Variants in KRT84 observed in about 807,000 individuals in gnomAD.
KRT84 encodes the protein keratin, type II cuticular Hb4.
In KRT84, 38 loss-of-function variants were observed where a neutral mutation model predicts 49.0. The ratio of observed to expected loss-of-function variants is 0.78; its 90% CI spans 0.60 to 1.02. The LOEUF is 1.02. Among genes scored for constraint, KRT84 ranks in the 50% least tolerant of loss-of-function variants. KRT84 has a pLI of 0.00. For missense variants in KRT84, 860 were observed against 788.6 expected (o/e 1.09, Z -1.08); for synonymous variants, 334 against 312.8 (o/e 1.07, Z -0.72).
intron 3 of KRT84, 101 bp downstream of exon 3, chr12:52,382,904 G>A: frequency 1.1e-6 from 1 of 938,342 alleles, no homozygotes; most frequent in Non-Finnish European, 1.8e-6. Flanking sequence ...GATGTGAGTA[G>A]TCCCAGACTC....
chr12:52,378,120 G>T lies in KRT84; in HGVS notation c.1717C>A (p.Gln573Lys). Residue 573 changes from glutamine to lysine, a missense_variant, in exon 9 of 9, where the codon CAG (glutamine) becomes AAG (lysine). Gln to Lys is a moderately conservative substitution (Grantham distance 53). Transcript: ENST00000257951. ...CCGCTGCAGCTGCTGAAGCCCCCCT[G>T]GGTGGGCAGGGGGCAGGGGACGCTG... ...VPSVPCPLPT[Q>K]GGFSSCSGGR... The T allele has an allele frequency of 6.5e-7, 1 of 1,540,470 alleles. No individual in the cohort carries two copies. The highest frequency in any genetic ancestry group is 8.7e-7 in the Non-Finnish European group (1 of 1,148,112).
At chr12:52,382,306 A>C (rs1176335947) in intron 4 of KRT84, 131 bp downstream of exon 4, 2 of 653,716 alleles carry the variant, frequency 3.1e-6, no homozygotes, top group Non-Finnish European at 5.5e-6. Context: ...CATATATAGC[A>C]TACAGATTTG....
At chr12:52,381,044 C>T (rs1939472793) in intron 6 of KRT84, 36 bp downstream of exon 6, 1 of 1,608,234 alleles carries the variant, frequency 6.2e-7, no homozygotes, top group Non-Finnish European at 8.5e-7. Flanking sequence ...CCTGGTTCTC[C>T]CTCATCTGAG....
At chr12:52,378,485 A>G (rs988697951) in intron 8 of KRT84, 105 bp from the exon 9 acceptor site, 38 of 860,064 alleles carry the variant, frequency 4.4e-5, no homozygotes, top group Non-Finnish European at 6.4e-5. Flanking sequence ...GAGTGGGGTC[A>G]GGGTTGTGGC....
At position 52,381,198 on chromosome 12, in the gene KRT84, T is replaced by A. The variant is rs763224561; in HGVS notation, c.1085A>T (p.Glu362Val). The change falls in exon 6 of 9, where the codon GAG (glutamate) becomes GTG (valine). Residue 362 changes from glutamate to valine, a missense_variant. Glu to Val is a moderately radical substitution (Grantham distance 121). Coordinates refer to ENST00000257951, the MANE Select transcript of KRT84 (RefSeq NM_033045.4). ...AEAWYQTKYEEMQVTAGQHCD... is the reference protein window; with the variant it reads ...AEAWYQTKYEVMQVTAGQHCD... ...GTGTTGGCCAGCTGTCACCTGCATC[T>A]CTTCATACTGCGGAGAGAGGAGGGT... is the stretch of plus-strand genomic sequence containing the variant. The A allele has an allele frequency of 1.2e-6, 2 of 1,614,062 alleles. No homozygotes were observed. The highest frequency in any genetic ancestry group is 2.7e-5 in the African/African-American group (2 of 74,916).
In KRT84 at chr12:52,378,123, T is replaced by G. The variant is rs1366254857; in HGVS notation, c.1714A>C (p.Thr572Pro). ...CVPSVPCPLPTQGGFSSCSGG... is the reference protein window; with the variant it reads ...CVPSVPCPLPPQGGFSSCSGG... ...CTGCAGCTGCTGAAGCCCCCCTGGGTGGGCAGGGGGCAGGGGACGCTGGGG... is the reference window on the plus strand; with the variant it reads ...CTGCAGCTGCTGAAGCCCCCCTGGGGGGGCAGGGGGCAGGGGACGCTGGGG... The change falls in exon 9 of 9, where the codon ACC (threonine) becomes CCC (proline). Residue 572 changes from threonine to proline, a missense_variant. Coordinates refer to ENST00000257951, the MANE Select transcript of KRT84 (RefSeq NM_033045.4). The G allele has an allele frequency of 1.3e-5, 20 of 1,540,548 alleles. 1 individual carries two copies. The highest frequency in any genetic ancestry group is 1.6e-5 in the Non-Finnish European group (18 of 1,147,998).
intron 8 of KRT84, 98 bp from the exon 9 acceptor site, chr12:52,378,478 T>A: frequency 1.0e-6 from 1 of 954,404 alleles, no homozygotes; most frequent in East Asian, 3.0e-5. Context: ...GGGGAGGGAG[T>A]GGGGTCAGGG....
rs777882886 is a variant in KRT84 at position 52,378,078 on chromosome 12, C to T, written c.1759G>A (p.Val587Ile). 12 of 1,499,076 alleles carry T rather than the reference C, an allele frequency of 8.0e-6. No homozygotes were observed. The highest frequency in any genetic ancestry group is 2.4e-5 in the Admixed American group (1 of 42,412). 92.9% of individuals were successfully genotyped at this position (1,499,076 alleles called of 1,614,324 possible). A position where few individuals can be genotyped will look rare whatever the true frequency, so the allele number is the denominator to read the frequency against. Residue 587 changes from valine (V) to isoleucine (I), a missense_variant, in exon 9 of 9, where the codon GTC (valine) becomes ATC (isoleucine). By Grantham distance (29) the Val-to-Ile change is conservative. Transcript: ENST00000257951. ...SSCSGGRSSSVRFVSTTTSCR... is the reference protein window; with the variant it reads ...SSCSGGRSSSIRFVSTTTSCR... ...GAGGTGGTGGTGGACACAAAGCGGA[C>T]GCTGGAGCTGCGGCCGCCGCTGCAG...
intron 5 of KRT84, 36 bp from the exon 6 acceptor site, chr12:52,381,241 G>A: frequency 1.2e-6 from 2 of 1,613,142 alleles, no homozygotes; most frequent in Non-Finnish European, 1.7e-6. Flanking sequence ...GGGTTCGGAG[G>A]TCAGGTCAGG....
intron 4 of KRT84, 57 bp downstream of exon 4, chr12:52,382,380 G>T (rs2121438443): frequency 1.7e-6 from 2 of 1,149,150 alleles, no homozygotes; most frequent in South Asian, 1.2e-5. Context: ...TAAGCATTCA[G>T]GGAGTCCAGG....
chr12:52,380,451 A>G lies in KRT84; in HGVS notation c.1336T>C (p.Cys446Arg), dbSNP rs951773. 1,254,750 of 1,614,084 alleles carry G rather than the reference A, an allele frequency of 0.78. 489,596 individuals carry two copies. Among genetic ancestry groups the G allele is most frequent in the African/African-American group, 0.93 (69,842 of 75,036 alleles). The change falls in exon 7 of 9, where the codon TGC becomes CGC. Residue 446 changes from cysteine to arginine, a missense_variant. Cys to Arg is a radical substitution (Grantham distance 180). Transcript: ENST00000257951. ...QAKQDMARQLCEYQELMNAKL... is the reference protein window; with the variant it reads ...QAKQDMARQLREYQELMNAKL... The stretch of plus-strand genomic sequence containing the variant: ...GCATTCATCAGCTCCTGGTACTCGC[A>G]CAGCTGCCGCGCCATGTCCTGCTTG...
chr12:52,383,821 T>A (rs1939529211), intron 1 of KRT84, 23 bp from the exon 2 acceptor site: 2 of 1,601,138 alleles, frequency 1.2e-6, no homozygotes, highest in Non-Finnish European at 1.7e-6. Context: ...GGCACAGAAA[T>A]GGCATTTGAA....
intron 7 of KRT84, 48 bp from the exon 8 acceptor site, chr12:52,379,955 G>A: frequency 1.3e-6 from 2 of 1,556,136 alleles, no homozygotes; most frequent in Non-Finnish European, 1.8e-6. Flanking sequence ...ATTGTTTCCT[G>A]AAAACCTATT....
chr12:52,383,499 A>G, intron 2 of KRT84, 91 bp downstream of exon 2: 1 of 1,057,156 alleles, frequency 9.5e-7, no homozygotes. Context: ...TTCAACCCTG[A>G]TCCTTCCAGC....
chr12:52,384,939 C>A, intron 1 of KRT84, 101 bp downstream of exon 1: 2 of 1,252,570 alleles, frequency 1.6e-6, no homozygotes, highest in Middle Eastern at 2.9e-4. Flanking sequence ...AGGTCAAGGT[C>A]AAGTCCCCAG....
At position 52,378,190 on chromosome 12, in the gene KRT84, A is replaced by G. The variant is rs1391945060; in HGVS notation, c.1647T>C (p.Thr549=). The stretch of plus-strand genomic sequence containing the variant: ...TGAGCATGGAGCCACTCCTTGTGCC[A>G]GTGCTCAGCAGGTCCCCAGTGGCCG... ...VAPATGDLLS[T]GTRSGSMLIS... Residue 549 remains threonine (T), a synonymous_variant, in exon 9 of 9, where the codon ACT becomes ACC. Transcript: ENST00000257951. 4.4e-6 allele frequency: 7 copies of G among 1,576,408 alleles called. No individual in the cohort carries two copies. In the South Asian group the frequency reaches 8.2e-5, roughly 18 times the overall value.
chr12:52,379,440 G>A (rs1791615), intron 8 of KRT84, among the ~76,000 whole-genome samples: 48,778 of 152,076 alleles, frequency 0.32, 9,832 homozygotes, highest in African/African-American at 0.57. Context: ...ACTGCCCTGC[G>A]TGCTTTGGGT....
intron 4 of KRT84, among the ~76,000 whole-genome samples, chr12:52,382,006 T>G (rs1939492763): frequency 6.6e-6 from 1 of 152,232 alleles, no homozygotes. Context: ...CCTCAGCCTC[T>G]TCACTTAGAG....
In KRT84 at chr12:52,377,979, G is replaced by T; in HGVS notation, c.*55C>A. On this transcript the variant is annotated 3_prime_UTR_variant, in exon 9 of 9. Coordinates refer to ENST00000257951, the MANE Select transcript of KRT84 (RefSeq NM_033045.4). The stretch of plus-strand genomic sequence containing the variant: ...GAGCCCACGAACCCTGGGGGCAGAA[G>T]CAGGAGCCGTGGAGCTGGTTCTTCT... 7.6e-7 allele frequency: 1 copy of T among 1,320,282 alleles called. No individual in the cohort carries two copies. Among genetic ancestry groups the T allele is most frequent in the Non-Finnish European group, 9.9e-7 (1 of 1,009,046 alleles). 81.8% of individuals were successfully genotyped at this position (1,320,282 alleles called of 1,614,324 possible).
Sources: gnomAD v4.1 joint callset for allele counts (sites outside exome capture counted in the v4.1 genomes callset) on GRCh38, gnomAD v4.1.1 for gene constraint, MANE v1.5 for transcripts, NCBI Gene and HGNC (gene_info 2026-07-23, HGNC 2026-07-21) for gene names.